Variants in MKLN1 observed in about 807,000 individuals in gnomAD.
MKLN1 encodes muskelin.
MKLN1 carries 18 observed loss-of-function variants against 99.0 expected under a neutral mutation model. That is an observed-to-expected ratio of 0.18 (90% CI 0.13 to 0.27). The LOEUF is 0.27. Among genes scored for constraint, MKLN1 ranks in the 10% least tolerant of loss-of-function variants. The probability of loss-of-function intolerance (pLI) is 1.00; values close to 1 mark genes in which losing one functional copy is unlikely to be tolerated. For synonymous variants in MKLN1, 288 were observed against 293.2 expected (o/e 0.98, Z 0.18); for missense variants, 621 against 875.9 (o/e 0.71, Z 3.67).
At chr7:131,474,420 CTTAAGATGT>C (rs1796909712) in intron 16 of MKLN1, among the ~76,000 whole-genome samples, 1 of 152,126 alleles carries the variant, frequency 6.6e-6, no homozygotes, top group Non-Finnish European at 1.5e-5. Flanking sequence ...AGACAGCCAA[CTTAAGATGT>C]TGAGGTGACT....
At chr7:131,409,912 G>A (rs1794825893) in intron 6 of MKLN1, among the ~76,000 whole-genome samples, 1 of 151,994 alleles carries the variant, frequency 6.6e-6, no homozygotes, top group Admixed American at 6.6e-5. Context: ...CTTGTACTTC[G>A]ACAAATTTGC....
At chr7:131,344,702 T>C (rs1799503124) in intron 1 of MKLN1, among the ~76,000 whole-genome samples, 1 of 152,244 alleles carries the variant, frequency 6.6e-6, no homozygotes, top group African/African-American at 2.4e-5. Flanking sequence ...ACCAGCAGTA[T>C]TGTTATTGCT....
In MKLN1 at chr7:131,353,422, A is replaced by G. The variant is rs1043516756; in HGVS notation, c.99-22002A>G. Among the ~76,000 whole-genome samples, 5 of 151,556 alleles carry G rather than the reference A, an allele frequency of 3.3e-5. 1 individual carries two copies. Among genetic ancestry groups the G allele is most frequent in the Middle Eastern group, 6.8e-3 (2 of 292 alleles). On this transcript the variant is annotated intron_variant, in intron 1 of 17. Coordinates refer to ENST00000352689, the MANE Select transcript of MKLN1 (RefSeq NM_013255.5). ...ACTGGAATGTATTCATGTCTTACCT[A>G]TTTTCTGATTGGATTGTTTGCCTTT...
chr7:131,455,437 G>A (rs1316241777), intron 12 of MKLN1, among the ~76,000 whole-genome samples: 14 of 152,310 alleles, frequency 9.2e-5, no homozygotes, highest in Non-Finnish European at 2.1e-4. Context: ...AAGAAATAGA[G>A]TTGAAGGATT....
intron 16 of MKLN1, among the ~76,000 whole-genome samples, chr7:131,473,791 C>T (rs1279668019): frequency 2.0e-5 from 3 of 152,162 alleles, no homozygotes; most frequent in Non-Finnish European, 4.4e-5. Context: ...CCAGGAGGTA[C>T]TTACATTTTA....
At chr7:131,176,567 C>T (rs564434773) in intron 2 of MKLN1, among the ~76,000 whole-genome samples, 3 of 152,306 alleles carry the variant, frequency 2.0e-5, no homozygotes, top group African/African-American at 7.2e-5. Context: ...AAAAATAAAG[C>T]TAGGACTGTG....
chr7:131,321,397 A>G (rs1798773093), intron 3 of MKLN1, among the ~76,000 whole-genome samples: 1 of 152,154 alleles, frequency 6.6e-6, no homozygotes, highest in African/African-American at 2.4e-5. Context: ...GGACACAAGA[A>G]GAACATTAAA....
At chr7:131,125,908 A>C (rs1286725527) in intron 1 of MKLN1, among the ~76,000 whole-genome samples, 2 of 151,352 alleles carry the variant, frequency 1.3e-5, no homozygotes, top group African/African-American at 2.4e-5. Flanking sequence ...CGGGAGGCTG[A>C]GGCAGGAGAA....
At chr7:131,366,453 G>A (rs1470293540) in intron 1 of MKLN1, among the ~76,000 whole-genome samples, 1 of 152,088 alleles carries the variant, frequency 6.6e-6, no homozygotes, top group Non-Finnish European at 1.5e-5. Context: ...GCCCTTATCA[G>A]AAAAAATGTT....
chr7:131,271,063 A>G (rs1797876318), intron 3 of MKLN1, among the ~76,000 whole-genome samples: 2 of 152,212 alleles, frequency 1.3e-5, no homozygotes, highest in African/African-American at 2.4e-5. Flanking sequence ...AAATAAAAAT[A>G]TAAGATTCGT....
Position 131,212,473 on chromosome 7 carries a change from C to T in MKLN1, c.-179+9499C>T, listed in dbSNP as rs182266654. 1.3e-3 allele frequency among the ~76,000 whole-genome samples: 194 copies of T among 152,348 alleles called. 1 individual carries two copies. Among genetic ancestry groups the T allele is most frequent in the African/African-American group, 4.5e-3 (187 of 41,588 alleles). ...GGAGTGATGCTGTGTCTTCTAGAAA[C>T]ACTGACTCCTTCCAGCAACTCTCTG... On this transcript the variant is annotated intron_variant, in intron 3 of 7. Coordinates refer to the MKLN1 transcript ENST00000416992.
At position 131,489,623 on chromosome 7, in the gene MKLN1, T is replaced by A. The variant is rs1163669860; in HGVS notation, c.*1895T>A. ...GACTTCCTAAATTTAAAAGCTCTAG[T>A]TTTGCTTAGTGTGAATTCTGGCACT... On this transcript the variant is annotated 3_prime_UTR_variant, in exon 18 of 18. Transcript: ENST00000352689. 6.6e-6 allele frequency: 1 copy of A among 152,126 alleles called. No homozygotes were observed. The highest frequency in any genetic ancestry group is 2.4e-5 in the African/African-American group (1 of 41,436). 9.4% of individuals were successfully genotyped at this position (152,126 alleles called of 1,614,324 possible).
intron 3 of MKLN1, among the ~76,000 whole-genome samples, chr7:131,226,820 G>C (rs564090676): frequency 2.0e-5 from 3 of 151,920 alleles, no homozygotes; most frequent in Non-Finnish European, 4.4e-5. Context: ...TTGTTTTGTT[G>C]TGTTTTGTTT....
intron 1 of MKLN1, among the ~76,000 whole-genome samples, chr7:131,119,302 C>G (rs936720589): frequency 6.6e-6 from 1 of 152,256 alleles, no homozygotes; most frequent in Non-Finnish European, 1.5e-5. Context: ...ATCCAGGCCA[C>G]ACCGATGCAA....
chr7:131,276,564 A>T (rs1388010426), intron 3 of MKLN1, among the ~76,000 whole-genome samples: 1 of 152,152 alleles, frequency 6.6e-6, no homozygotes, highest in African/African-American at 2.4e-5. Context: ...AGTGTGGTTC[A>T]CCATTTTTCT....
At chr7:131,411,437 G>A (rs764976124) in intron 7 of MKLN1, 54 bp downstream of exon 7, 14 of 1,220,860 alleles carry the variant, frequency 1.1e-5, no homozygotes, top group Admixed American at 1.7e-5. Flanking sequence ...TCAGTCTTCA[G>A]TTTTCCCAAG....
chr7:131,360,179 T>G (rs1014052332), intron 1 of MKLN1, among the ~76,000 whole-genome samples: 8 of 152,226 alleles, frequency 5.3e-5, no homozygotes, highest in African/African-American at 1.9e-4. Context: ...TATTCACCTA[T>G]TTGTATCTTT....
intron 3 of MKLN1, among the ~76,000 whole-genome samples, chr7:131,224,832 G>T (rs1797117354): frequency 1.3e-5 from 2 of 152,130 alleles, no homozygotes; most frequent in East Asian, 1.9e-4. Context: ...CCAGCACTTT[G>T]GGGGGCCGAG....
At chr7:131,229,358 AC>A (rs1301950619) in intron 3 of MKLN1, among the ~76,000 whole-genome samples, 1 of 146,218 alleles carries the variant, frequency 6.8e-6, no homozygotes, top group South Asian at 2.2e-4. Context: ...CCCATCCCCC[AC>A]CCCCACACCC....
Sources: allele counts gnomAD v4.1 joint callset (sites outside exome capture counted in the v4.1 genomes callset), GRCh38; gene constraint gnomAD v4.1.1; transcripts MANE v1.5; gene names NCBI Gene and HGNC (gene_info 2026-07-23, HGNC 2026-07-21).